The following LRRC28 variants were observed in gnomAD, a reference collection of about 807,000 sequenced individuals.
The protein encoded by LRRC28 is leucine-rich repeat-containing protein 28.
LRRC28 carries 39 observed loss-of-function variants against 45.7 expected under a neutral mutation model. That is an observed-to-expected ratio of 0.85 (90% CI 0.66 to 1.12). The LOEUF (loss-of-function observed/expected upper bound fraction) is 1.12, where lower values mean the gene tolerates loss of function less well. LRRC28 is among the 50% of genes most tolerant of loss of function. The probability of loss-of-function intolerance (pLI) is 0.00; values close to 1 mark genes in which losing one functional copy is unlikely to be tolerated. For synonymous variants in LRRC28, 206 were observed against 178.8 expected, an observed-to-expected ratio of 1.15 and a Z score of -1.22; for missense variants, 435 against 438.5, an observed-to-expected ratio of 0.99 and a Z score of 0.07.
rs1348721525 is a variant in LRRC28 at position 99,316,090 on chromosome 15, A to G, written c.386-17833A>G. Among the ~76,000 whole-genome samples, 10 of 152,216 alleles carry G rather than the reference A, an allele frequency of 6.6e-5. No individual in the cohort carries two copies. In the East Asian group the frequency reaches 1.7e-3, roughly 26 times the overall value. The stretch of plus-strand genomic sequence containing the variant: ...ATGTTTTCTAGAAATTTTAACTTAA[A>G]TAAAACATTTAGATATTAATGCTAT... On this transcript the variant is annotated intron_variant, in intron 5 of 9. Transcript: ENST00000301981.
rs1957251200 is a variant in LRRC28 at position 99,363,158 on chromosome 15, G to C, written c.924G>C (p.Leu308=). 2 of 1,613,988 alleles carry C rather than the reference G, an allele frequency of 1.2e-6. No individual in the cohort carries two copies. Among genetic ancestry groups the C allele is most frequent in the African/African-American group, 1.3e-5 (1 of 75,032 alleles). Residue 308 remains leucine (L), a synonymous_variant, in exon 9 of 10, where the codon CTG becomes CTC. Coordinates refer to ENST00000301981, the MANE Select transcript of LRRC28 (RefSeq NM_144598.5). ...TACCCAGAAGTCTCCTAGAGCTGCT[G>C]CACTGCCCTCTGGGGCACTGTCATC... The part of the protein sequence containing the change: ...ISLPRSLLEL[L]HCPLGHCHRC...
chr15:99,316,835 T>C (rs1208049265), intron 5 of LRRC28, among the ~76,000 whole-genome samples: 24 of 152,030 alleles, frequency 1.6e-4, no homozygotes, highest in Admixed American at 1.3e-3. Flanking sequence ...GGAAGGTTTT[T>C]TGTTTGTTAG....
Position 99,255,967 on chromosome 15 carries a change from G to A in LRRC28, c.10G>A (p.Glu4Lys), listed in dbSNP as rs771064031. MAS[E>K]LCKTISVARL... The stretch of plus-strand genomic sequence containing the variant: ...TGGGATATATTCAGTCATGGCGTCC[G>A]AACTTTGTAAGACGATCTCTGTGGC... Residue 4 changes from glutamate (E) to lysine (K), a missense_variant, in exon 2 of 10, where the codon GAA becomes AAA. Coordinates refer to ENST00000301981, the MANE Select transcript of LRRC28 (RefSeq NM_144598.5). The A allele has an allele frequency of 2.7e-5, 43 of 1,612,040 alleles. No homozygotes were observed. The highest frequency in any genetic ancestry group is 4.2e-4 in the Middle Eastern group (2 of 4,752).
intron 2 of LRRC28, among the ~76,000 whole-genome samples, chr15:99,270,980 C>T (rs1243122630): frequency 1.3e-5 from 2 of 152,044 alleles, no homozygotes; most frequent in Non-Finnish European, 2.9e-5. Flanking sequence ...GAAGTGTCAC[C>T]TTATTGTAGT....
At chr15:99,380,893 T>TGA (rs556903792) in intron 9 of LRRC28, among the ~76,000 whole-genome samples, 206 of 152,046 alleles carry the variant, frequency 1.4e-3, no homozygotes, top group African/African-American at 4.0e-3. Flanking sequence ...GAGTTTCTGC[T>TGA]GAGATCCGCT....
chr15:99,316,886 G>A (rs11855940), intron 5 of LRRC28, among the ~76,000 whole-genome samples: 2,101 of 152,226 alleles, frequency 0.014, 45 homozygotes, highest in African/African-American at 0.048. Context: ...CCAGGCTGGA[G>A]GAGTACAGTG....
chr15:99,278,714 G>C (rs1206585096), intron 3 of LRRC28, among the ~76,000 whole-genome samples: 1 of 152,202 alleles, frequency 6.6e-6, no homozygotes, highest in Non-Finnish European at 1.5e-5. Flanking sequence ...TGATTTAAAA[G>C]AATAAACATT....
intron 6 of LRRC28, among the ~76,000 whole-genome samples, chr15:99,344,956 C>T (rs1226219924): frequency 1.3e-5 from 2 of 152,188 alleles, no homozygotes; most frequent in African/African-American, 4.8e-5. Flanking sequence ...AAAGAGAATT[C>T]TCTCTTAACT....
intron 5 of LRRC28, among the ~76,000 whole-genome samples, chr15:99,315,189 T>G (rs1178590906): frequency 6.6e-6 from 1 of 152,180 alleles, no homozygotes; most frequent in Non-Finnish European, 1.5e-5. Flanking sequence ...TCAGTGTTGA[T>G]TATTTATTTA....
chr15:99,361,724 A>T (rs1471319263), intron 8 of LRRC28, among the ~76,000 whole-genome samples: 1 of 152,210 alleles, frequency 6.6e-6, no homozygotes, highest in African/African-American at 2.4e-5. Flanking sequence ...TAATAAGAAA[A>T]ATAGTTTTGA....
At chr15:99,313,384 A>C (rs1319372474) in intron 5 of LRRC28, among the ~76,000 whole-genome samples, 1 of 152,118 alleles carries the variant, frequency 6.6e-6, no homozygotes, top group Non-Finnish European at 1.5e-5. Context: ...TCTGAGAACA[A>C]GTAAAGATAT....
At chr15:99,362,997 G>T in intron 8 of LRRC28, 109 bp from the exon 9 acceptor site, 1 of 1,191,838 alleles carries the variant, frequency 8.4e-7, no homozygotes, top group Non-Finnish European at 1.2e-6. Context: ...TTTTCAACAT[G>T]AAGTACTTTT....
intron 3 of LRRC28, among the ~76,000 whole-genome samples, chr15:99,282,177 GTT>G (rs766338889): frequency 2.0e-5 from 2 of 98,034 alleles, no homozygotes; most frequent in Non-Finnish European, 1.9e-5. Flanking sequence ...ATTTTTGGAG[GTT>G]TTTTTTTTTT....
At position 99,334,629 on chromosome 15, in the gene LRRC28, T is replaced by TA. The variant is rs797013284; in HGVS notation, c.592+506dup. Among the ~76,000 whole-genome samples, 8 of 152,274 alleles carry TA rather than the reference T, an allele frequency of 5.3e-5. No individual in the cohort carries two copies. In the East Asian group the frequency reaches 1.5e-3, roughly 29 times the overall value. ...GCTGAGCTAGAAATGTCAGCCTGGCTAAAAAATAATATATTATCCACTGTA... is the reference window on the plus strand; with the variant it reads ...GCTGAGCTAGAAATGTCAGCCTGGCTAAAAAAATAATATATTATCCACTGTA... On this transcript the variant is annotated intron_variant, in intron 6 of 9. Transcript: ENST00000301981.
chr15:99,318,304 G>A (rs1338342019), intron 5 of LRRC28, among the ~76,000 whole-genome samples: 1 of 152,056 alleles, frequency 6.6e-6, no homozygotes, highest in African/African-American at 2.4e-5. Flanking sequence ...ACAGATTTCA[G>A]TGTGATAATT....
rs539184516 is a variant in LRRC28, at chr15:99,292,615, C to T, written c.385+4664C>T. Among the ~76,000 whole-genome samples the T allele has an allele frequency of 3.3e-5, 5 of 152,246 alleles. No individual in the cohort carries two copies. In the East Asian group the frequency reaches 7.7e-4, roughly 23 times the overall value. ...TCCTGACCTCATGATCCACCCGCCT[C>T]GGCCTCCCAAAGTGCTGGGATTACA... On this transcript the variant is annotated intron_variant, in intron 5 of 9. Coordinates refer to ENST00000301981, the MANE Select transcript of LRRC28 (RefSeq NM_144598.5).
rs1415522351 is a variant in LRRC28, at chr15:99,387,195, G to A, written c.*1093G>A. 1.4e-5 allele frequency: 2 copies of A among 143,872 alleles called. No individual in the cohort carries two copies. The highest frequency in any genetic ancestry group is 7.2e-5 in the Admixed American group (1 of 13,948). The allele number at this position is 143,872 out of a possible 1,614,324, so 8.9% of individuals were successfully genotyped here. On this transcript the variant is annotated 3_prime_UTR_variant, in exon 10 of 10. Coordinates refer to ENST00000301981, the MANE Select transcript of LRRC28 (RefSeq NM_144598.5). ...CCTGCCTCAGCCTCCCAAGTAGCTG[G>A]GACCACAGGCGCCCGCCACCACGCC...
intron 9 of LRRC28, among the ~76,000 whole-genome samples, chr15:99,365,609 A>T (rs1274381625): frequency 6.6e-6 from 1 of 152,270 alleles, no homozygotes. Context: ...TTAATATCAT[A>T]AACTCTAAAA....
At chr15:99,309,558 G>A (rs1039478112) in intron 5 of LRRC28, among the ~76,000 whole-genome samples, 5 of 152,014 alleles carry the variant, frequency 3.3e-5, no homozygotes, top group Non-Finnish European at 5.9e-5. Flanking sequence ...ACAGGCACGC[G>A]CCACCACGCC....
Sources: allele counts gnomAD v4.1 joint callset (sites outside exome capture counted in the v4.1 genomes callset), GRCh38; gene constraint gnomAD v4.1.1; transcripts MANE v1.5; gene names NCBI Gene and HGNC (gene_info 2026-07-23, HGNC 2026-07-21).